Variants in COX7A2L observed in about 807,000 individuals in gnomAD.
COX7A2L encodes cytochrome c oxidase subunit 7A2-like, mitochondrial.
Under a neutral mutation model 14.2 loss-of-function variants are expected in COX7A2L, and 18 were observed. The observed-to-expected ratio is 1.27, with a 90% CI of 0.88 to 1.88. The LOEUF is 1.88. Among genes scored for constraint, COX7A2L ranks in the 40% most tolerant of loss-of-function variants. The pLI, the probability that COX7A2L is intolerant of heterozygous loss-of-function variation, is 0.00. For synonymous variants in COX7A2L, 65 were observed against 57.4 expected (o/e 1.13, Z -0.60); for missense variants, 179 against 138.8 (o/e 1.29, Z -1.46).
At chr2:42,363,951 G>A (rs1383587540), upstream of COX7A2L, among the ~76,000 whole-genome samples, 1 of 152,182 alleles carries the variant, frequency 6.6e-6, no homozygotes, top group East Asian at 1.9e-4. Context: ...CTCTGTGAAA[G>A]CGCCTGGGGA....
downstream of COX7A2L, among the ~76,000 whole-genome samples, chr2:42,347,572 C>T (rs947161051): frequency 2.6e-5 from 4 of 152,058 alleles, no homozygotes; most frequent in Non-Finnish European, 5.9e-5. Context: ...CTCTAAGCTA[C>T]AAGTGAGATT....
rs386390054 is a variant in COX7A2L, at chr2:42,355,717, C to CTTTTTTTTTTT, written c.73-2385_73-2375dup. 2.7e-3 allele frequency among the ~76,000 whole-genome samples: 183 copies of CTTTTTTTTTTT among 69,054 alleles called. 31 individuals are homozygous for CTTTTTTTTTTT. The highest frequency in any genetic ancestry group is 6.7e-3 in the African/African-American group (114 of 16,906). 45.3% of individuals were successfully genotyped at this position (69,054 alleles called of 152,430 possible). A position where few individuals can be genotyped will look rare whatever the true frequency, so the allele number is the denominator to read the frequency against. ...CAGTCACAGTGTAAAATCCTACGTT[C>CTTTTTTTTTTT]TTTTTTTTTTTTTTTTTTTTTTTTT... On this transcript the variant is annotated intron_variant, in intron 1 of 2. Transcript: ENST00000234301.
chr2:42,347,877 C>T (rs1411986778), downstream of COX7A2L, among the ~76,000 whole-genome samples: 5 of 152,056 alleles, frequency 3.3e-5, 1 homozygote, highest in Admixed American at 2.6e-4. Context: ...GCCGAGATGG[C>T]GCCATTGCAC....
Position 42,338,819 on chromosome 2 carries a change from T to C in COX7A2L, c.193-4950A>G, listed in dbSNP as rs1290418810. 2.0e-5 allele frequency among the ~76,000 whole-genome samples: 3 copies of C among 152,212 alleles called. No individual in the cohort carries two copies. Among genetic ancestry groups the C allele is most frequent in the Non-Finnish European group, 4.4e-5 (3 of 68,026 alleles). On this transcript the variant is annotated intron_variant, in intron 2 of 2. Coordinates refer to the COX7A2L transcript ENST00000468711. The surrounding 1 kb of genome is among the most constrained non-coding windows in gnomAD (Gnocchi z 4.4). ...TGAGTGGAGGTGGGTTTAGGTGTTA[T>C]CTGTGCGGCAGAGGTACCATCTCCC...
At chr2:42,353,394 T>A in intron 1 of COX7A2L, 51 bp from the exon 2 acceptor site, 2 of 1,603,174 alleles carry the variant, frequency 1.2e-6, no homozygotes, top group Non-Finnish European at 1.7e-6. Flanking sequence ...CTGAGGAGGC[T>A]GTCTGGAATA....
At chr2:42,346,302 T>C (rs561739453), downstream of COX7A2L, among the ~76,000 whole-genome samples, 3 of 152,348 alleles carry the variant, frequency 2.0e-5, no homozygotes, top group African/African-American at 7.2e-5. Context: ...GACAGGTACC[T>C]TGGACTCGAA....
chr2:42,336,487 T>G (rs534796629), intron 2 of COX7A2L, among the ~76,000 whole-genome samples: 1 of 152,116 alleles, frequency 6.6e-6, no homozygotes, highest in Admixed American at 6.5e-5. Flanking sequence ...AAAAGGAATT[T>G]CTTAATATGC....
intron 1 of COX7A2L, among the ~76,000 whole-genome samples, chr2:42,360,212 G>A (rs972667167): frequency 6.6e-6 from 1 of 152,172 alleles, no homozygotes; most frequent in African/African-American, 2.4e-5. Context: ...TACTATCTCA[G>A]ACAGCTTCTG....
At chr2:42,368,090 A>T (rs999163559) in intron 1 of COX7A2L, among the ~76,000 whole-genome samples, 1 of 152,272 alleles carries the variant, frequency 6.6e-6, no homozygotes, top group Admixed American at 6.5e-5. Context: ...CAGAGCCTGT[A>T]AATCTGCCCA....
intron 1 of COX7A2L, among the ~76,000 whole-genome samples, chr2:42,354,738 A>G (rs1428365025): frequency 6.6e-6 from 1 of 152,232 alleles, no homozygotes. Context: ...TCTGTAACGT[A>G]TTCATTCATT....
At chr2:42,352,687 A>G (rs1481465257) in intron 2 of COX7A2L, among the ~76,000 whole-genome samples, 1 of 152,100 alleles carries the variant, frequency 6.6e-6, no homozygotes, top group Non-Finnish European at 1.5e-5. Flanking sequence ...CAGGTCACTA[A>G]TTTCTCAATA....
chr2:42,367,047 T>C (rs571890958), intron 1 of COX7A2L, among the ~76,000 whole-genome samples: 297 of 152,340 alleles, frequency 1.9e-3, no homozygotes, highest in Non-Finnish European at 3.6e-3. Context: ...AAAAATCAGA[T>C]CACTTCCAAG....
intron 1 of COX7A2L, among the ~76,000 whole-genome samples, chr2:42,358,694 A>C (rs1670909902): frequency 6.6e-6 from 1 of 152,232 alleles, no homozygotes; most frequent in African/African-American, 2.4e-5. Flanking sequence ...AGGTACTAGA[A>C]ATCTGAAAGC....
chr2:42,347,000 C>T (rs1253298046), downstream of COX7A2L, among the ~76,000 whole-genome samples: 1 of 152,066 alleles, frequency 6.6e-6, no homozygotes, highest in Admixed American at 6.5e-5. Flanking sequence ...CAGCCTTGAC[C>T]TCCTGGGCTC....
At chr2:42,354,569 G>T in intron 1 of COX7A2L, among the ~76,000 whole-genome samples, 1 of 152,142 alleles carries the variant, frequency 6.6e-6, no homozygotes, top group Non-Finnish European at 1.5e-5. Flanking sequence ...ACCTATAATT[G>T]ACAGGGCATA....
rs936239803 is a variant in COX7A2L, at chr2:42,338,826, G to A, written c.193-4957C>T. On this transcript the variant is annotated intron_variant, in intron 2 of 2. Coordinates refer to the COX7A2L transcript ENST00000468711. This position sits in a 1 kb window ranked among gnomAD's most constrained non-coding sequence, Gnocchi z 4.4. ...AGGTGGGTTTAGGTGTTATCTGTGC[G>A]GCAGAGGTACCATCTCCCATGTCTA... Among the ~76,000 whole-genome samples, 5 of 152,190 alleles carry A rather than the reference G, an allele frequency of 3.3e-5. No homozygotes were observed. Among genetic ancestry groups the A allele is most frequent in the Admixed American group, 6.5e-5 (1 of 15,276 alleles).
upstream of COX7A2L, among the ~76,000 whole-genome samples, chr2:42,364,650 T>A (rs1381060256): frequency 3.3e-5 from 5 of 152,200 alleles, no homozygotes; most frequent in Admixed American, 6.5e-5. Context: ...TTTTGTCAAA[T>A]AAAGCCCTAT....
In COX7A2L at chr2:42,339,374, G is replaced by A. The variant is rs1670352587; in HGVS notation, c.193-5505C>T. 6.6e-6 allele frequency among the ~76,000 whole-genome samples: 1 copy of A among 152,114 alleles called. No individual in the cohort carries two copies. Among genetic ancestry groups the A allele is most frequent in the Non-Finnish European group, 1.5e-5 (1 of 68,028 alleles). On this transcript the variant is annotated intron_variant, in intron 2 of 2. Coordinates refer to the COX7A2L transcript ENST00000468711. The surrounding 1 kb of genome is among the most constrained non-coding windows in gnomAD (Gnocchi z 5.4). ...AGGCTCCGTTCCACACCACTCACTC[G>A]AAGCATGAGAGACACACACTAGTGG...
At position 42,342,902 on chromosome 2, in the gene COX7A2L, T is replaced by A. The variant is rs898087643; in HGVS notation, c.193-9033A>T. Reference sequence around the variant, plus strand: ...CCCCCCACCTGCCCATCCCAACACATCCTGCAGCAGTGCCGCACCCGGGCA... The same window carrying A: ...CCCCCCACCTGCCCATCCCAACACAACCTGCAGCAGTGCCGCACCCGGGCA... On this transcript the variant is annotated intron_variant, in intron 2 of 2. Coordinates refer to the COX7A2L transcript ENST00000468711. The surrounding 1 kb of genome is among the most constrained non-coding windows in gnomAD (Gnocchi z 4.9). Among the ~76,000 whole-genome samples the A allele has an allele frequency of 9.2e-5, 14 of 152,026 alleles. No individual in the cohort carries two copies. Among genetic ancestry groups the A allele is most frequent in the African/African-American group, 3.4e-4 (14 of 41,380 alleles).
Sources: allele counts gnomAD v4.1 joint callset (sites outside exome capture counted in the v4.1 genomes callset), GRCh38; gene constraint gnomAD v4.1.1; non-coding constraint Gnocchi (gnomAD v3.1); transcripts MANE v1.5; gene names NCBI Gene and HGNC (gene_info 2026-07-23, HGNC 2026-07-21).